CEP70: variants seen among roughly 807,000 people sequenced by gnomAD.
CEP70 encodes centrosomal protein of 70 kDa.
A neutral mutation model predicts 90.9 loss-of-function variants in CEP70; 70 were observed. That is an observed-to-expected ratio of 0.77 (90% CI 0.64 to 0.94). CEP70 has a LOEUF of 0.94. Ranked by LOEUF, CEP70 falls within the 40% of genes least tolerant of loss-of-function variation. The pLI, the probability that CEP70 is intolerant of heterozygous loss-of-function variation, is 0.00. For missense variants in CEP70, 648 were observed against 669.0 expected (o/e 0.97, Z 0.35); for synonymous variants, 220 against 228.3 (o/e 0.96, Z 0.33).
intron 6 of CEP70, among the ~76,000 whole-genome samples, chr3:138,543,726 C>T (rs1371491796): frequency 3.3e-5 from 5 of 152,122 alleles, no homozygotes; most frequent in African/African-American, 1.2e-4. Context: ...ATAGCTTGAG[C>T]CTGGGAAGTG....
At position 138,494,867 on chromosome 3, in the gene CEP70, T is replaced by C. The variant is rs774012; in HGVS notation, c.*148A>G. The C allele has an allele frequency of 0.69, 359,220 of 521,962 alleles. 126,780 individuals are homozygous for C. Among genetic ancestry groups the C allele is most frequent in the Admixed American group, 0.78 (20,794 of 26,590 alleles). 32.3% of individuals were successfully genotyped at this position (521,962 alleles called of 1,614,324 possible). ...AGAATCTCAAAGTTAATAAAAATTATACAGATGAAGAATGACCTAATACTA... is the reference window on the plus strand; with the variant it reads ...AGAATCTCAAAGTTAATAAAAATTACACAGATGAAGAATGACCTAATACTA... On this transcript the variant is annotated 3_prime_UTR_variant, in exon 18 of 18. Transcript: ENST00000264982.
intron 10 of CEP70, among the ~76,000 whole-genome samples, chr3:138,525,772 T>C (rs977995023): frequency 6.6e-6 from 1 of 152,168 alleles, no homozygotes; most frequent in Non-Finnish European, 1.5e-5. Flanking sequence ...CTTTTAGTCG[T>C]TTTTTGCTGC....
intron 6 of CEP70, among the ~76,000 whole-genome samples, chr3:138,540,753 C>G (rs2038692575): frequency 6.6e-6 from 1 of 152,060 alleles, no homozygotes; most frequent in Non-Finnish European, 1.5e-5. Context: ...GGTATATACC[C>G]AGAGGAATAC....
chr3:138,526,139 T>C (rs2037221243), intron 10 of CEP70, among the ~76,000 whole-genome samples: 1 of 152,108 alleles, frequency 6.6e-6, no homozygotes, highest in South Asian at 2.1e-4. Flanking sequence ...CTTCTCTCCA[T>C]TAAGGTATAA....
chr3:138,594,221 C>A lies in CEP70; in HGVS notation c.-132G>T, dbSNP rs1297867336. 6.6e-6 allele frequency: 1 copy of A among 152,496 alleles called. No homozygotes were observed. Among genetic ancestry groups the A allele is most frequent in the Non-Finnish European group, 1.5e-5 (1 of 68,254 alleles). 9.4% of individuals were successfully genotyped at this position (152,496 alleles called of 1,614,324 possible). On this transcript the variant is annotated 5_prime_UTR_variant, in exon 1 of 18. Coordinates refer to ENST00000264982, the MANE Select transcript of CEP70 (RefSeq NM_024491.4). ...ACCTTACTCAGTCGCCGGCCTCCCA[C>A]CAGCAGCCAGCCGGGCCAGGTTAGG...
At chr3:138,506,431 T>C (rs1184952571) in intron 12 of CEP70, among the ~76,000 whole-genome samples, 1 of 152,120 alleles carries the variant, frequency 6.6e-6, no homozygotes, top group Admixed American at 6.5e-5. Context: ...CCTCTCCCCA[T>C]AAGTGATGGG....
chr3:138,522,681 T>C (rs145028619), intron 11 of CEP70, among the ~76,000 whole-genome samples: 53,404 of 151,834 alleles, frequency 0.35, 11,628 homozygotes, highest in East Asian at 0.55. Context: ...CAGGAAGAAG[T>C]TGAATCTCTG....
chr3:138,549,357 G>A (rs958455317), intron 6 of CEP70, among the ~76,000 whole-genome samples: 1 of 151,900 alleles, frequency 6.6e-6, no homozygotes, highest in African/African-American at 2.4e-5. Context: ...GTGTTGTTGG[G>A]TGGGGCGGGT....
chr3:138,495,978 G>A, intron 17 of CEP70: 7 of 985,284 alleles, frequency 7.1e-6, no homozygotes, highest in Non-Finnish European at 8.4e-6. Flanking sequence ...GCTCTTTTTT[G>A]ACAGGCTCTT....
chr3:138,550,943 G>A (rs1357188497), intron 6 of CEP70, among the ~76,000 whole-genome samples: 8 of 152,180 alleles, frequency 5.3e-5, no homozygotes, highest in South Asian at 2.1e-4. Flanking sequence ...TTTGGAAAAC[G>A]TCTCTGGGGG....
At chr3:138,539,507 T>A (rs1489054571) in intron 6 of CEP70, among the ~76,000 whole-genome samples, 1 of 151,878 alleles carries the variant, frequency 6.6e-6, no homozygotes, top group East Asian at 1.9e-4. Flanking sequence ...CAAACAGAAA[T>A]CCTGGGACTG....
chr3:138,553,208 G>T (rs907200378), intron 6 of CEP70, among the ~76,000 whole-genome samples: 7 of 152,082 alleles, frequency 4.6e-5, no homozygotes, highest in Middle Eastern at 3.4e-3. Flanking sequence ...GGCTGGGCAC[G>T]ATGGCTCACG....
At chr3:138,572,709 A>G (rs1273524969) in intron 3 of CEP70, 150 bp downstream of exon 3, 1 of 664,828 alleles carries the variant, frequency 1.5e-6, no homozygotes, top group African/African-American at 1.8e-5. Flanking sequence ...GAAGTCTTAG[A>G]GTAATTAAAC....
chr3:138,542,953 A>G (rs1333582312), intron 6 of CEP70, among the ~76,000 whole-genome samples: 1 of 152,168 alleles, frequency 6.6e-6, no homozygotes, highest in South Asian at 2.1e-4. Flanking sequence ...CCCTGAGTCT[A>G]GCTGAGCCTT....
At chr3:138,581,505 A>C (rs1266881867) in intron 2 of CEP70, among the ~76,000 whole-genome samples, 2 of 151,702 alleles carry the variant, frequency 1.3e-5, no homozygotes, top group Non-Finnish European at 2.9e-5. Flanking sequence ...GGAGTTCAAG[A>C]CCAGCCTGGC....
At chr3:138,540,998 A>G (rs921232720) in intron 6 of CEP70, among the ~76,000 whole-genome samples, 1 of 152,240 alleles carries the variant, frequency 6.6e-6, no homozygotes, top group South Asian at 2.1e-4. Flanking sequence ...AGAACAGAAA[A>G]CCAAATACTA....
chr3:138,540,198 A>T (rs988815313), intron 6 of CEP70, among the ~76,000 whole-genome samples: 2 of 149,182 alleles, frequency 1.3e-5, no homozygotes, highest in South Asian at 2.1e-4. Context: ...CAAGCATATT[A>T]AAAAAAAAAG....
At chr3:138,560,917 G>A (rs2040362281) in intron 6 of CEP70, among the ~76,000 whole-genome samples, 1 of 152,198 alleles carries the variant, frequency 6.6e-6, no homozygotes, top group East Asian at 1.9e-4. Flanking sequence ...CAGAGCACCT[G>A]GGGGAAGGGG....
At chr3:138,537,941 C>T (rs1421589639) in intron 6 of CEP70, among the ~76,000 whole-genome samples, 1 of 152,152 alleles carries the variant, frequency 6.6e-6, no homozygotes, top group African/African-American at 2.4e-5. Flanking sequence ...GGACAATCCC[C>T]GGGACCACAA....
Sources: allele counts gnomAD v4.1 joint callset (sites outside exome capture counted in the v4.1 genomes callset), GRCh38; gene constraint gnomAD v4.1.1; transcripts MANE v1.5; gene names NCBI Gene and HGNC (gene_info 2026-07-23, HGNC 2026-07-21).